Variants in SNX32 observed in about 807,000 individuals in gnomAD.
The protein encoded by SNX32 is sorting nexin 32.
Under a neutral mutation model 57.0 loss-of-function variants are expected in SNX32, and 58 were observed. The ratio of observed to expected loss-of-function variants is 1.02; its 90% CI spans 0.82 to 1.27. The LOEUF (loss-of-function observed/expected upper bound fraction) is 1.27, where lower values mean the gene tolerates loss of function less well. Among genes scored for constraint, SNX32 ranks in the 50% most tolerant of loss-of-function variants. SNX32 has a pLI of 0.00. For synonymous variants in SNX32, 262 were observed against 220.4 expected (o/e 1.19, Z -1.67); for missense variants, 589 against 541.2 (o/e 1.09, Z -0.88).
Position 65,851,644 on chromosome 11 carries a change from T to C in SNX32, c.790T>C (p.Phe264Leu), listed in dbSNP as rs1162502148. Residue 264 changes from phenylalanine to leucine, a missense_variant, in exon 9 of 13, where the codon TTC becomes CTC. Coordinates refer to ENST00000308342, the MANE Select transcript of SNX32 (RefSeq NM_152760.3). ...TCCCTCCCTACTGCTTCCTAGGAGCTTCCTCAAATTGGCAGAGCTCTTTGA... is the reference window on the plus strand; with the variant it reads ...TCCCTCCCTACTGCTTCCTAGGAGCCTCCTCAAATTGGCAGAGCTCTTTGA... ...TQEVNQLRTS[F>L]LKLAELFERL... 1 of 1,614,092 alleles carries C rather than the reference T, an allele frequency of 6.2e-7. No homozygotes were observed.
rs151221398 is a variant in SNX32, at chr11:65,851,384, G to A, written c.766G>A (p.Glu256Lys). The change falls in exon 8 of 13, where the codon GAA becomes AAA. Residue 256 changes from glutamate to lysine, a missense_variant. Coordinates refer to ENST00000308342, the MANE Select transcript of SNX32 (RefSeq NM_152760.3). ...TGCGCTGAGCAGTCTGGGAACACAG[G>A]AAGTCAACCAGCTAAGGACGTGAGG... ...SAALSSLGTQ[E>K]VNQLRTSFLK... 3 of 1,614,150 alleles carry A rather than the reference G, an allele frequency of 1.9e-6. No homozygotes were observed. Among genetic ancestry groups the A allele is most frequent in the Non-Finnish European group, 2.5e-6 (3 of 1,180,008 alleles).
At chr11:65,847,304 T>C (rs764549062) in intron 1 of SNX32, among the ~76,000 whole-genome samples, 1 of 151,960 alleles carries the variant, frequency 6.6e-6, no homozygotes, top group Non-Finnish European at 1.5e-5. Flanking sequence ...TTACAGCACT[T>C]TTAAAAAAAA....
At position 65,853,478 on chromosome 11, in the gene SNX32, C is replaced by T. The variant is rs1224502146; in HGVS notation, c.*143C>T. 1 of 809,456 alleles carries T rather than the reference C, an allele frequency of 1.2e-6. No homozygotes were observed. The highest frequency in any genetic ancestry group is 2.1e-5 in the Admixed American group (1 of 47,182). The allele number at this position is 809,456 out of a possible 1,614,324, so 50.1% of individuals were successfully genotyped here. A position where few individuals can be genotyped will look rare whatever the true frequency, so the allele number is the denominator to read the frequency against. On this transcript the variant is annotated 3_prime_UTR_variant, in exon 13 of 13. Coordinates refer to ENST00000308342, the MANE Select transcript of SNX32 (RefSeq NM_152760.3). Reference sequence around the variant, plus strand: ...CTGCCCCACATCCTCTCAGGGAAAGCCCAAACCCCCTATCACCACCACCAC... The same window carrying T: ...CTGCCCCACATCCTCTCAGGGAAAGTCCAAACCCCCTATCACCACCACCAC...
Position 65,850,837 on chromosome 11 carries a change from G to C in SNX32, c.585G>C (p.Thr195=), listed in dbSNP as rs748944398. 2 of 1,613,624 alleles carry C rather than the reference G, an allele frequency of 1.2e-6. No homozygotes were observed. Among genetic ancestry groups the C allele is most frequent in the South Asian group, 1.1e-5 (1 of 90,990 alleles). The change falls in exon 6 of 13, where the codon ACG becomes ACC. Residue 195 remains threonine, a synonymous_variant. Transcript: ENST00000308342. ...AGTCCGCGGATGAAGCCCTCATCACGGGCATGTCAGGGCTCAAGGTAACCC... is the reference window on the plus strand; with the variant it reads ...AGTCCGCGGATGAAGCCCTCATCACCGGCATGTCAGGGCTCAAGGTAACCC... ...IVKSADEALI[T]GMSGLKEVDD...
chr11:65,839,264 C>A lies in SNX32; in HGVS notation c.36+5163C>A, dbSNP rs1447877549. On this transcript the variant is annotated intron_variant, in intron 1 of 12. Coordinates refer to ENST00000308342, the MANE Select transcript of SNX32 (RefSeq NM_152760.3). Reference sequence around the variant, plus strand: ...TTTTTTTTTGAGACGGAGTCTCGCTCTGTCGCCCAGGCTGGAGTGCAGTGG... The same window carrying A: ...TTTTTTTTTGAGACGGAGTCTCGCTATGTCGCCCAGGCTGGAGTGCAGTGG... 6.9e-4 allele frequency among the ~76,000 whole-genome samples: 19 copies of A among 27,476 alleles called. No individual in the cohort carries two copies. In the East Asian group the frequency reaches 0.011, roughly 15 times the overall value. 18.0% of individuals were successfully genotyped at this position (27,476 alleles called of 152,430 possible).
rs867056462 is a variant in SNX32, at chr11:65,839,534, G to A, written c.36+5433G>A. ...ATTTTTTTGTATTTTTAGTAGAGACGATGTTTCACCATGTTGGCCAGGCTG... is the reference window on the plus strand; with the variant it reads ...ATTTTTTTGTATTTTTAGTAGAGACAATGTTTCACCATGTTGGCCAGGCTG... On this transcript the variant is annotated intron_variant, in intron 1 of 12. Transcript: ENST00000308342. Among the ~76,000 whole-genome samples the A allele has an allele frequency of 4.6e-4, 69 of 150,950 alleles. No homozygotes were observed. The Middle Eastern group carries it at 0.014, about 30-fold the overall frequency.
rs376840311 is a variant in SNX32, at chr11:65,853,059, G to A, written c.1158+101G>A. ...TGTGCGTGCATGTGAGGGTGTGCAC[G>A]CATGTATGCGCGTGTGTGTGCATGA... On this transcript the variant is annotated intron_variant, in intron 12 of 12. Transcript: ENST00000308342. 66 of 1,344,786 alleles carry A rather than the reference G, an allele frequency of 4.9e-5. No homozygotes were observed. In the African/African-American group the frequency reaches 6.6e-4, roughly 13 times the overall value. 83.3% of individuals were successfully genotyped at this position (1,344,786 alleles called of 1,614,324 possible).
At chr11:65,834,125 A>AC in intron 1 of SNX32, 24 bp downstream of exon 1, 2 of 1,549,746 alleles carry the variant, frequency 1.3e-6, no homozygotes, top group East Asian at 2.5e-5. Context: ...GAAGACCCCC[A>AC]CCCCAGCCTC....
At chr11:65,837,514 TAAAAC>T (rs1399929734) in intron 1 of SNX32, among the ~76,000 whole-genome samples, 1 of 151,784 alleles carries the variant, frequency 6.6e-6, no homozygotes, top group Non-Finnish European at 1.5e-5. Flanking sequence ...ACCTTGTCTT[TAAAAC>T]AAAACAAAAC....
At chr11:65,848,193 A>G (rs1157695341) in intron 1 of SNX32, among the ~76,000 whole-genome samples, 1 of 152,178 alleles carries the variant, frequency 6.6e-6, no homozygotes, top group Non-Finnish European at 1.5e-5. Context: ...GAGGTGGGAC[A>G]GGTGCCTGTT....
intron 2 of SNX32, 123 bp from the exon 3 acceptor site, chr11:65,849,797 C>G (rs1323306011): frequency 1.2e-6 from 1 of 815,882 alleles, no homozygotes; most frequent in Non-Finnish European, 2.0e-6. Flanking sequence ...ATCATGCACA[C>G]CTGAGCTCTA....
intron 1 of SNX32, among the ~76,000 whole-genome samples, chr11:65,838,952 TAC>T (rs1201570401): frequency 6.6e-6 from 1 of 151,956 alleles, no homozygotes; most frequent in African/African-American, 2.4e-5. Context: ...ACTCATAAGA[TAC>T]ACAGTTTCCA....
At chr11:65,847,129 C>A (rs551969165) in intron 1 of SNX32, among the ~76,000 whole-genome samples, 62 of 152,094 alleles carry the variant, frequency 4.1e-4, no homozygotes, top group Admixed American at 9.2e-4. Flanking sequence ...TCAGCCCCCC[C>A]CAAGTAGCTG....
chr11:65,834,524 CTGTG>C (rs1858601489), intron 1 of SNX32, among the ~76,000 whole-genome samples: 1 of 144,964 alleles, frequency 6.9e-6, no homozygotes, highest in Non-Finnish European at 1.5e-5. Context: ...GTGTCTGTCT[CTGTG>C]TGTGTCTGTG....
intron 1 of SNX32, among the ~76,000 whole-genome samples, chr11:65,840,803 C>CAA (rs11375479): frequency 0.013 from 1,746 of 132,174 alleles, 10 homozygotes; most frequent in Non-Finnish European, 0.02. Flanking sequence ...GACCCTGTCT[C>CAA]AAAAAAAAAA....
rs1859295150 is a variant in SNX32 at position 65,853,473 on chromosome 11, G to C, written c.*138G>C. On this transcript the variant is annotated 3_prime_UTR_variant, in exon 13 of 13. Transcript: ENST00000308342. ...TCACTCTGCCCCACATCCTCTCAGG[G>C]AAAGCCCAAACCCCCTATCACCACC... The C allele has an allele frequency of 3.4e-6, 3 of 875,312 alleles. No homozygotes were observed. In the South Asian group the frequency reaches 4.4e-5, roughly 13 times the overall value. The allele number at this position is 875,312 out of a possible 1,614,324, so 54.2% of individuals were successfully genotyped here.
At chr11:65,845,653 G>A (rs184048785) in intron 1 of SNX32, among the ~76,000 whole-genome samples, 4 of 151,782 alleles carry the variant, frequency 2.6e-5, no homozygotes, top group African/African-American at 7.3e-5. Flanking sequence ...CAGGAGAATC[G>A]CTTGAACCAG....
At chr11:65,836,955 G>T (rs1237653051) in intron 1 of SNX32, among the ~76,000 whole-genome samples, 1 of 151,280 alleles carries the variant, frequency 6.6e-6, no homozygotes. Flanking sequence ...TGCATGTGGG[G>T]CTTAAAACCT....
chr11:65,849,626 G>A (rs753916850), intron 2 of SNX32, 44 bp downstream of exon 2: 13 of 1,439,102 alleles, frequency 9.0e-6, no homozygotes, highest in East Asian at 2.4e-5. Flanking sequence ...GTGGCTGCCC[G>A]CAGGAGGCCT....
Sources: allele counts gnomAD v4.1 joint callset (sites outside exome capture counted in the v4.1 genomes callset), GRCh38; gene constraint gnomAD v4.1.1; transcripts MANE v1.5; gene names NCBI Gene and HGNC (gene_info 2026-07-23, HGNC 2026-07-21).